INSR: variants seen among roughly 807,000 people sequenced by gnomAD.
INSR encodes insulin receptor, also known as IR.
Under a neutral mutation model 142.6 loss-of-function variants are expected in INSR, and 67 were observed. The ratio of observed to expected loss-of-function variants is 0.47; its 90% confidence interval spans 0.39 to 0.58. The LOEUF (loss-of-function observed/expected upper bound fraction) is 0.58, where lower values mean the gene tolerates loss of function less well. Ranked by LOEUF, INSR falls within the 20% of genes least tolerant of loss-of-function variation. The pLI, the probability that INSR is intolerant of heterozygous loss-of-function variation, is 0.00. For missense variants in INSR, 1,248 were observed against 1,833.2 expected (o/e 0.68, Z 5.83); for synonymous variants, 756 against 743.1 (o/e 1.02, Z -0.28).
In INSR at chr19:7,294,128, A is replaced by AC. The variant is rs552334009; in HGVS notation, c.-238dup. ...GGAGGCCCTTGCGGTGGTGGCCCCG[A>AC]CCCCCCGGCCGCTGCGGCCCGGGCC... On this transcript the variant is annotated 5_prime_UTR_variant, in exon 1 of 22. Coordinates refer to ENST00000302850, the MANE Select transcript of INSR (RefSeq NM_000208.4). 558 of 211,068 alleles carry AC rather than the reference A, an allele frequency of 2.6e-3. 5 individuals carry two copies. Among genetic ancestry groups the AC allele is most frequent in the African/African-American group, 0.012 (509 of 41,786 alleles). 13.1% of individuals were successfully genotyped at this position (211,068 alleles called of 1,614,324 possible). A position where few individuals can be genotyped will look rare whatever the true frequency, so the allele number is the denominator to read the frequency against.
intron 3 of INSR, among the ~76,000 whole-genome samples, chr19:7,183,684 G>A (rs763652694): frequency 4.6e-5 from 7 of 152,160 alleles, no homozygotes; most frequent in Middle Eastern, 6.8e-3. Flanking sequence ...GCCACGTGGA[G>A]GATTTTAGGG....
chr19:7,166,456 G>T lies in INSR; in HGVS notation c.1611-52C>A. 6.2e-7 allele frequency: 1 copy of T among 1,601,246 alleles called. No individual in the cohort carries two copies. The highest frequency in any genetic ancestry group is 8.5e-7 in the Non-Finnish European group (1 of 1,174,464). On this transcript the variant is annotated intron_variant, in intron 7 of 21. Transcript: ENST00000302850. This position sits in a 1 kb window ranked among gnomAD's most constrained non-coding sequence, Gnocchi z 4.1. ...GTTACCCTTACAAGACCGTCACACT[G>T]AGTGCCGTGCAGATGAGGCCTGGGA... is the stretch of plus-strand genomic sequence containing the variant.
chr19:7,200,051 T>C (rs912242739), intron 2 of INSR, among the ~76,000 whole-genome samples: 6 of 151,808 alleles, frequency 4.0e-5, no homozygotes, highest in African/African-American at 7.2e-5. Context: ...CAGTTCAGAG[T>C]TGATGAAGGG....
At chr19:7,185,824 C>T (rs553753807) in intron 2 of INSR, among the ~76,000 whole-genome samples, 37 of 38,470 alleles carry the variant, frequency 9.6e-4, no homozygotes, top group Non-Finnish European at 1.6e-3. Context: ...GCCTGGGCAA[C>T]AAGTGCAAAA....
At chr19:7,197,758 A>AGAGT (rs1348124001) in intron 2 of INSR, among the ~76,000 whole-genome samples, 1 of 57,796 alleles carries the variant, frequency 1.7e-5, no homozygotes, top group Non-Finnish European at 3.3e-5. Context: ...CCAGAGTGGG[A>AGAGT]GTGTGTGTGT....
intron 2 of INSR, among the ~76,000 whole-genome samples, chr19:7,247,523 A>G (rs1276865407): frequency 6.6e-6 from 1 of 152,196 alleles, no homozygotes; most frequent in African/African-American, 2.4e-5. Flanking sequence ...TTGAAAAAAC[A>G]TTCAACGGTA....
intron 13 of INSR, among the ~76,000 whole-genome samples, chr19:7,137,265 A>ATT (rs1453487860): frequency 1.4e-5 from 1 of 70,708 alleles, no homozygotes; most frequent in African/African-American, 5.5e-5. Context: ...CTGTTTCTAA[A>ATT]TTAAAAAAAA....
intron 2 of INSR, among the ~76,000 whole-genome samples, chr19:7,189,877 T>TA (rs1379762839): frequency 6.6e-6 from 1 of 152,102 alleles, no homozygotes; most frequent in Non-Finnish European, 1.5e-5. Flanking sequence ...TTGGCCAGTC[T>TA]GGTCTTGAAC....
rs8112748 is a variant in INSR at position 7,184,143 on chromosome 19, A to G, written c.974+173T>C. ...TTAGAGAAAAAGGTAGTCAACTCCC[A>G]CTCCCAAGCCCAGGACCAAAACAGG... On this transcript the variant is annotated intron_variant, in intron 3 of 21. Coordinates refer to ENST00000302850, the MANE Select transcript of INSR (RefSeq NM_000208.4). Among the ~76,000 whole-genome samples the G allele has an allele frequency of 0.31, 45,957 of 150,378 alleles. 7,463 individuals carry two copies. The highest frequency in any genetic ancestry group is 0.41 in the African/African-American group (16,591 of 40,772).
Position 7,125,339 on chromosome 19 carries a change from G to A in INSR, c.3202C>T (p.Arg1068Trp), listed in dbSNP as rs762687424. ...TVNESASLRE[R>W]IEFLNEASVM... Reference sequence around the variant, plus strand: ...GAGGCCTCATTGAGGAACTCAATCCGCTCTCGGAGACTGGCTGACTCGTTG... The same window carrying A: ...GAGGCCTCATTGAGGAACTCAATCCACTCTCGGAGACTGGCTGACTCGTTG... Residue 1068 changes from arginine to tryptophan, a missense_variant, in exon 17 of 22, where the codon CGG becomes TGG. Transcript: ENST00000302850. This position sits in a 1 kb window ranked among gnomAD's most constrained non-coding sequence, Gnocchi z 4.9. 12 of 1,613,904 alleles carry A rather than the reference G, an allele frequency of 7.4e-6. No homozygotes were observed. Among genetic ancestry groups the A allele is most frequent in the Non-Finnish European group, 8.5e-6 (10 of 1,180,032 alleles).
At chr19:7,185,872 CAAAG>C (rs1363511338) in intron 2 of INSR, among the ~76,000 whole-genome samples, 2 of 80,126 alleles carry the variant, frequency 2.5e-5, no homozygotes, top group African/African-American at 9.6e-5. Context: ...GAGAGAGAGA[CAAAG>C]AGAGAGAGAA....
At chr19:7,234,798 G>T (rs1463997103) in intron 2 of INSR, among the ~76,000 whole-genome samples, 1 of 152,120 alleles carries the variant, frequency 6.6e-6, no homozygotes, top group Non-Finnish European at 1.5e-5. Context: ...AGTGGCTCAT[G>T]CCTGTAATCC....
rs1568425788 is a variant in INSR at position 7,119,635 on chromosome 19, C to A, written c.3660-52G>T. On this transcript the variant is annotated intron_variant, in intron 20 of 21. Coordinates refer to ENST00000302850, the MANE Select transcript of INSR (RefSeq NM_000208.4). This position sits in a 1 kb window ranked among gnomAD's most constrained non-coding sequence, Gnocchi z 5.2. ...CAAAGAAGCCATTTAGACACACACACACACGCGCGCGCGCAAACACACACA... is the reference window on the plus strand; with the variant it reads ...CAAAGAAGCCATTTAGACACACACAAACACGCGCGCGCGCAAACACACACA... The A allele has an allele frequency of 4.4e-6, 7 of 1,605,958 alleles. No homozygotes were observed. The highest frequency in any genetic ancestry group is 4.5e-5 in the East Asian group (2 of 44,812).
chr19:7,157,588 T>A (rs1973629930), intron 9 of INSR, among the ~76,000 whole-genome samples: 1 of 152,042 alleles, frequency 6.6e-6, no homozygotes, highest in Admixed American at 6.6e-5. Flanking sequence ...CCGCAGCTGG[T>A]CATGTCTTAA....
chr19:7,253,890 C>T lies in INSR; in HGVS notation c.652+13455G>A, dbSNP rs563668448. ...CTAAAAAATACAAAAATCAGCCGGG[C>T]GTGGTGGCATGCCCCTGTAATCCCA... is the stretch of plus-strand genomic sequence containing the variant. On this transcript the variant is annotated intron_variant, in intron 2 of 21. Coordinates refer to ENST00000302850, the MANE Select transcript of INSR (RefSeq NM_000208.4). Among the ~76,000 whole-genome samples, 11 of 151,808 alleles carry T rather than the reference C, an allele frequency of 7.2e-5. No homozygotes were observed. The South Asian group carries it at 2.1e-3, about 29-fold the overall frequency.
In INSR at chr19:7,270,248, G is replaced by A. The variant is rs971981019; in HGVS notation, c.101-2352C>T. Among the ~76,000 whole-genome samples the A allele has an allele frequency of 9.9e-5, 15 of 151,524 alleles. No individual in the cohort carries two copies. In the East Asian group the frequency reaches 2.1e-3, roughly 21 times the overall value. Reference sequence around the variant, plus strand: ...CGGGCATAAACCACCATGCCTGGCTGGCATCCTAATCTTAGATTTGGCCAT... The same window carrying A: ...CGGGCATAAACCACCATGCCTGGCTAGCATCCTAATCTTAGATTTGGCCAT... On this transcript the variant is annotated intron_variant, in intron 1 of 21. Transcript: ENST00000302850.
chr19:7,176,609 C>T (rs938857596), intron 3 of INSR, among the ~76,000 whole-genome samples: 1 of 151,968 alleles, frequency 6.6e-6, no homozygotes, highest in African/African-American at 2.4e-5. Flanking sequence ...TCAAAACAAA[C>T]AAACAAAACT....
intron 9 of INSR, among the ~76,000 whole-genome samples, chr19:7,157,753 G>A (rs898993496): frequency 6.6e-6 from 1 of 151,746 alleles, no homozygotes; most frequent in Non-Finnish European, 1.5e-5. Flanking sequence ...TCTGCTTGGT[G>A]CCTGGTGACT....
In INSR at chr19:7,294,020, G is replaced by A. The variant is rs1968573291; in HGVS notation, c.-129C>T. 9.8e-7 allele frequency: 1 copy of A among 1,018,574 alleles called. No homozygotes were observed. Among genetic ancestry groups the A allele is most frequent in the Non-Finnish European group, 1.2e-6 (1 of 830,118 alleles). The allele number at this position is 1,018,574 out of a possible 1,614,324, so 63.1% of individuals were successfully genotyped here. On this transcript the variant is annotated 5_prime_UTR_variant, in exon 1 of 22. Transcript: ENST00000302850. ...CTTCTCTTCCACGCCCGCGACCCGCGGGCCGCAGCCCCCCTGCCGGGGAGG... is the reference window on the plus strand; with the variant it reads ...CTTCTCTTCCACGCCCGCGACCCGCAGGCCGCAGCCCCCCTGCCGGGGAGG...
Sources: allele counts gnomAD v4.1 joint callset (sites outside exome capture counted in the v4.1 genomes callset), GRCh38; gene constraint gnomAD v4.1.1; non-coding constraint Gnocchi (gnomAD v3.1); transcripts MANE v1.5; gene names NCBI Gene and HGNC (gene_info 2026-07-23, HGNC 2026-07-21).